Variants in CBFA2T3 observed in about 807,000 individuals in gnomAD.
CBFA2T3 encodes the protein CBFA2/RUNX1 partner transcriptional co-repressor 3, also known as transcriptional corepressor CBFA2T3.
CBFA2T3 carries 31 observed loss-of-function variants against 58.6 expected under a neutral mutation model. The ratio of observed to expected loss-of-function variants is 0.53; its 90% confidence interval spans 0.40 to 0.71. The LOEUF (loss-of-function observed/expected upper bound fraction) is 0.71, where lower values mean the gene tolerates loss of function less well. Ranked by LOEUF, CBFA2T3 falls within the 30% of genes least tolerant of loss-of-function variation. The pLI is 0.00. For synonymous variants in CBFA2T3, 531 were observed against 421.9 expected (o/e 1.26, Z -3.17); for missense variants, 1,076 against 963.1 (o/e 1.12, Z -1.55).
At position 88,885,336 on chromosome 16, in the gene CBFA2T3, G is replaced by A. The variant is rs921612876; in HGVS notation, c.894-67C>T. Reference sequence around the variant, plus strand: ...ATGAACCGGGGACAGAGGTGCAGGTGGGGTGAGAGGCAGACAGGCAAGGGC... The same window carrying A: ...ATGAACCGGGGACAGAGGTGCAGGTAGGGTGAGAGGCAGACAGGCAAGGGC... On this transcript the variant is annotated intron_variant, in intron 6 of 11. Coordinates refer to ENST00000268679, the MANE Select transcript of CBFA2T3 (RefSeq NM_005187.6). The surrounding 1 kb of genome is among the most constrained non-coding windows in gnomAD (Gnocchi z 5.3). The A allele has an allele frequency of 1.2e-5, 14 of 1,137,984 alleles. No individual in the cohort carries two copies. Among genetic ancestry groups the A allele is most frequent in the Middle Eastern group, 2.1e-4 (1 of 4,796 alleles). The allele number at this position is 1,137,984 out of a possible 1,614,324, so 70.5% of individuals were successfully genotyped here. A position where few individuals can be genotyped will look rare whatever the true frequency, so the allele number is the denominator to read the frequency against.
At position 88,925,499 on chromosome 16, in the gene CBFA2T3, G is replaced by A. The variant is rs192064463; in HGVS notation, c.152-23843C>T. ...TGCCAGGCAGCCAGAGACCTGCTCC[G>A]AGTGCCCTGCGCTGCTCTCATCCCA... On this transcript the variant is annotated intron_variant, in intron 1 of 11. Coordinates refer to ENST00000268679, the MANE Select transcript of CBFA2T3 (RefSeq NM_005187.6). Among the ~76,000 whole-genome samples the A allele has an allele frequency of 4.4e-3, 676 of 152,254 alleles. 10 individuals are homozygous for A. The highest frequency in any genetic ancestry group is 0.016 in the African/African-American group (655 of 41,540).
rs189935846 is a variant in CBFA2T3, at chr16:88,881,052, C to T, written c.1402+239G>A. 8.5e-3 allele frequency: 5,960 copies of T among 704,884 alleles called. 51 individuals carry two copies. The highest frequency in any genetic ancestry group is 0.013 in the Non-Finnish European group (4,913 of 389,934). The allele number at this position is 704,884 out of a possible 1,614,324, so 43.7% of individuals were successfully genotyped here. The stretch of plus-strand genomic sequence containing the variant: ...CCTGTGTCAGCATTCGTCGCTGAGG[C>T]GGAGAAGCAGAGACCCTCAGGGCCT... On this transcript the variant is annotated intron_variant, in intron 9 of 11. Coordinates refer to ENST00000268679, the MANE Select transcript of CBFA2T3 (RefSeq NM_005187.6).
intron 1 of CBFA2T3, among the ~76,000 whole-genome samples, chr16:88,915,012 G>T (rs115268031): frequency 0.016 from 2,385 of 151,478 alleles, 39 homozygotes; most frequent in African/African-American, 0.038. Context: ...GCCGGGGGCA[G>T]GGGTGGAGGG....
chr16:88,882,651 GGCGTGGCTGTGTGT>G lies in CBFA2T3; in HGVS notation c.1203+11_1203+24del, dbSNP rs750267946. On this transcript the variant is annotated intron_variant, in intron 8 of 11. Coordinates refer to ENST00000268679, the MANE Select transcript of CBFA2T3 (RefSeq NM_005187.6). ...CTGTGCGCCTGGGCATGGCTGTGTGGGCGTGGCTGTGTGTGGACACTCACGTTGTTGAGGTGCTT... is the reference window on the plus strand; with the variant it reads ...CTGTGCGCCTGGGCATGGCTGTGTGGGGACACTCACGTTGTTGAGGTGCTT... 1.3e-6 allele frequency: 2 copies of G among 1,483,458 alleles called. No homozygotes were observed. Among genetic ancestry groups the G allele is most frequent in the South Asian group, 2.4e-5 (2 of 83,500 alleles). 91.9% of individuals were successfully genotyped at this position (1,483,458 alleles called of 1,614,324 possible).
In CBFA2T3 at chr16:88,880,798, G is replaced by C. The variant is rs903625904; in HGVS notation, c.1403-10C>G. 1 of 1,575,318 alleles carries C rather than the reference G, an allele frequency of 6.3e-7. No individual in the cohort carries two copies. Among genetic ancestry groups the C allele is most frequent in the African/African-American group, 1.3e-5 (1 of 74,100 alleles). On this transcript the variant is annotated splice_polypyrimidine_tract_variant and intron_variant, in intron 9 of 11. Transcript: ENST00000268679. Reference sequence around the variant, plus strand: ...AACTCGCGAGGCACGTCTGAAACAGGGGCCGGCGTCACACAGGATGGGCCA... The same window carrying C: ...AACTCGCGAGGCACGTCTGAAACAGCGGCCGGCGTCACACAGGATGGGCCA...
chr16:88,969,151 G>A (rs891015914), intron 1 of CBFA2T3, among the ~76,000 whole-genome samples: 2 of 152,172 alleles, frequency 1.3e-5, no homozygotes, highest in East Asian at 1.9e-4. Context: ...GGATGCCGCC[G>A]GGGTCACCGC....
intron 1 of CBFA2T3, among the ~76,000 whole-genome samples, chr16:88,926,345 T>A (rs1187085693): frequency 6.6e-6 from 1 of 152,154 alleles, no homozygotes; most frequent in Non-Finnish European, 1.5e-5. Flanking sequence ...AATCCACCAC[T>A]GAAGGCCCCC....
At chr16:88,957,982 T>G (rs537976643) in intron 1 of CBFA2T3, among the ~76,000 whole-genome samples, 11 of 152,138 alleles carry the variant, frequency 7.2e-5, no homozygotes, top group Admixed American at 2.6e-4. Flanking sequence ...ATGGGTGAGT[T>G]GTAAGATGTG....
intron 1 of CBFA2T3, among the ~76,000 whole-genome samples, chr16:88,908,554 C>G (rs1167143657): frequency 6.6e-6 from 1 of 152,170 alleles, no homozygotes; most frequent in Non-Finnish European, 1.5e-5. Flanking sequence ...CATCACTTCC[C>G]CGTCCGTGGG....
intron 1 of CBFA2T3, among the ~76,000 whole-genome samples, chr16:88,916,166 G>A (rs1325180098): frequency 6.6e-6 from 1 of 151,534 alleles, no homozygotes; most frequent in East Asian, 1.9e-4. Flanking sequence ...GTGTATTCAT[G>A]CGTGTATTCA....
At chr16:88,934,802 C>T (rs187684532) in intron 1 of CBFA2T3, among the ~76,000 whole-genome samples, 38 of 152,256 alleles carry the variant, frequency 2.5e-4, no homozygotes, top group Non-Finnish European at 3.4e-4. Context: ...TGCAGTGGCG[C>T]GATCTCGGCT....
At chr16:88,956,134 C>G (rs576734128) in intron 1 of CBFA2T3, among the ~76,000 whole-genome samples, 41 of 152,286 alleles carry the variant, frequency 2.7e-4, no homozygotes, top group Non-Finnish European at 4.8e-4. Context: ...GGGAAAGACT[C>G]CATGTCAGTT....
chr16:88,971,534 T>A (rs1256805089), intron 1 of CBFA2T3, among the ~76,000 whole-genome samples: 1 of 151,822 alleles, frequency 6.6e-6, no homozygotes, highest in Non-Finnish European at 1.5e-5. Flanking sequence ...TGGACCTGTG[T>A]CCTGGGCAAC....
chr16:88,927,030 C>T lies in CBFA2T3; in HGVS notation c.152-25374G>A, dbSNP rs534444685. ...CCTTCCCTCCTCCCGCAGCTAAGTT[C>T]CACGTCCCTTTACCAGAGAAGCCAG... On this transcript the variant is annotated intron_variant, in intron 1 of 11. Transcript: ENST00000268679. Among the ~76,000 whole-genome samples the T allele has an allele frequency of 2.6e-5, 4 of 152,326 alleles. No individual in the cohort carries two copies. The South Asian group carries it at 8.3e-4, about 32-fold the overall frequency.
At position 88,882,756 on chromosome 16, in the gene CBFA2T3, G is replaced by A; in HGVS notation, c.1123C>T (p.Pro375Ser). ...ATCACTTCTTCCTGCCGGGACCCAGGCACCACTGTGGATGGGGGAGGTGCA... is the reference window on the plus strand; with the variant it reads ...ATCACTTCTTCCTGCCGGGACCCAGACACCACTGTGGATGGGGGAGGTGCA... ...LRERHRPLVVPGSRQEEVIDH... is the reference protein window; with the variant it reads ...LRERHRPLVVSGSRQEEVIDH... Residue 375 changes from proline (P) to serine (S), a missense_variant, in exon 8 of 12, where the codon CCT (proline) becomes TCT (serine). Transcript: ENST00000268679. 1.9e-6 allele frequency: 3 copies of A among 1,572,498 alleles called. No homozygotes were observed. Among genetic ancestry groups the A allele is most frequent in the Non-Finnish European group, 2.6e-6 (3 of 1,157,706 alleles).
intron 1 of CBFA2T3, among the ~76,000 whole-genome samples, chr16:88,973,329 G>A (rs1019259543): frequency 6.6e-6 from 1 of 152,194 alleles, no homozygotes; most frequent in African/African-American, 2.4e-5. Flanking sequence ...AGTGGCTGCG[G>A]CACGGCGGCC....
intron 1 of CBFA2T3, among the ~76,000 whole-genome samples, chr16:88,959,017 C>T (rs1005641032): frequency 5.3e-5 from 8 of 152,084 alleles, no homozygotes; most frequent in East Asian, 3.9e-4. Flanking sequence ...GCTGTGTGCC[C>T]GGGCTGTGCC....
intron 1 of CBFA2T3, chr16:88,939,866 G>A (rs1432411309): frequency 1.3e-5 from 2 of 152,388 alleles, no homozygotes; most frequent in East Asian, 3.9e-4. Flanking sequence ...GGACACAGTG[G>A]AGTCCCAGCC....
At chr16:88,930,453 G>T (rs1400855459) in intron 1 of CBFA2T3, among the ~76,000 whole-genome samples, 1 of 152,046 alleles carries the variant, frequency 6.6e-6, no homozygotes, top group Non-Finnish European at 1.5e-5. Context: ...CAACCCACGC[G>T]TCCATCAACG....
Sources: allele counts gnomAD v4.1 joint callset (sites outside exome capture counted in the v4.1 genomes callset), GRCh38; gene constraint gnomAD v4.1.1; non-coding constraint Gnocchi (gnomAD v3.1); transcripts MANE v1.5; gene names NCBI Gene and HGNC (gene_info 2026-07-23, HGNC 2026-07-21).